ARMH4: variants seen among roughly 807,000 people sequenced by gnomAD.
The protein encoded by ARMH4 is armadillo like helical domain containing 4, also known as armadillo-like helical domain-containing protein 4.
Under a neutral mutation model 61.9 loss-of-function variants are expected in ARMH4, and 49 were observed. The observed-to-expected ratio is 0.79, with a 90% CI of 0.63 to 1.00. The LOEUF (loss-of-function observed/expected upper bound fraction) is 1.00. Ranked by LOEUF, ARMH4 falls within the 50% of genes least tolerant of loss-of-function variation. The pLI is 0.00. For synonymous variants in ARMH4, 368 were observed against 341.5 expected (o/e 1.08, Z -0.85); for missense variants, 934 against 930.0 (o/e 1.00, Z -0.06).
chr14:58,112,860 T>G (rs150457708), intron 4 of ARMH4, among the ~76,000 whole-genome samples: 4 of 152,304 alleles, frequency 2.6e-5, no homozygotes, highest in Admixed American at 6.5e-5. Context: ...TTTTGTTCCT[T>G]TGTAGGTAAT....
intron 5 of ARMH4, among the ~76,000 whole-genome samples, chr14:58,094,850 C>T (rs189465218): frequency 3.3e-4 from 51 of 152,244 alleles, no homozygotes; most frequent in Admixed American, 1.8e-3. Flanking sequence ...AAATGCTCTG[C>T]GGCATGATTG....
At chr14:58,099,959 A>G (rs1489010922) in intron 4 of ARMH4, among the ~76,000 whole-genome samples, 1 of 152,208 alleles carries the variant, frequency 6.6e-6, no homozygotes, top group Non-Finnish European at 1.5e-5. Context: ...TAAGGATTTC[A>G]TTAGTTAATT....
intron 4 of ARMH4, among the ~76,000 whole-genome samples, chr14:58,125,356 ATTAC>A (rs1453004680): frequency 6.6e-6 from 1 of 152,148 alleles, no homozygotes; most frequent in East Asian, 1.9e-4. Context: ...ACCAATAGAA[ATTAC>A]TTAAAAACCT....
At chr14:58,016,072 T>C (rs1882600679) in intron 5 of ARMH4, among the ~76,000 whole-genome samples, 1 of 152,038 alleles carries the variant, frequency 6.6e-6, no homozygotes, top group African/African-American at 2.4e-5. Context: ...TCAAAAGCTT[T>C]ATTAAGGTTA....
chr14:58,021,771 T>G (rs1321330060), intron 5 of ARMH4, among the ~76,000 whole-genome samples: 1 of 152,110 alleles, frequency 6.6e-6, no homozygotes, highest in African/African-American at 2.4e-5. Flanking sequence ...ACCTGGACTG[T>G]TCATATGAAA....
intron 4 of ARMH4, among the ~76,000 whole-genome samples, chr14:58,130,353 A>G (rs971621673): frequency 6.6e-6 from 1 of 152,230 alleles, no homozygotes; most frequent in Admixed American, 6.5e-5. Flanking sequence ...TGTTACCCAG[A>G]AAGTCTGCAC....
intron 4 of ARMH4, among the ~76,000 whole-genome samples, chr14:58,117,700 C>T (rs1005282270): frequency 3.3e-5 from 5 of 152,026 alleles, no homozygotes; most frequent in African/African-American, 4.8e-5. Context: ...TATTTAAATG[C>T]CTTTAGAACT....
chr14:58,048,255 C>G (rs1884005755), intron 5 of ARMH4, among the ~76,000 whole-genome samples: 1 of 152,192 alleles, frequency 6.6e-6, no homozygotes, highest in Admixed American at 6.5e-5. Flanking sequence ...CTTTTATCTT[C>G]TCATCTGCCA....
At chr14:58,019,706 G>A (rs1344101453) in intron 5 of ARMH4, among the ~76,000 whole-genome samples, 2 of 152,076 alleles carry the variant, frequency 1.3e-5, no homozygotes, top group East Asian at 1.9e-4. Flanking sequence ...CAGGAGAATC[G>A]CTTGAACCCA....
chr14:58,126,723 T>A (rs916496497), intron 4 of ARMH4, among the ~76,000 whole-genome samples: 17 of 151,646 alleles, frequency 1.1e-4, no homozygotes, highest in African/African-American at 4.1e-4. Flanking sequence ...AGAAAAAAAC[T>A]GTAGTTAAAG....
intron 4 of ARMH4, among the ~76,000 whole-genome samples, chr14:58,107,634 C>T (rs1328858835): frequency 6.6e-6 from 1 of 151,946 alleles, no homozygotes; most frequent in Non-Finnish European, 1.5e-5. Context: ...CGTAGTGGTG[C>T]ACGCCCTTAG....
chr14:58,078,892 C>T (rs923688033), intron 5 of ARMH4, among the ~76,000 whole-genome samples: 1 of 152,214 alleles, frequency 6.6e-6, no homozygotes, highest in African/African-American at 2.4e-5. Context: ...GAAACATAGG[C>T]ATATGATACA....
At chr14:58,097,700 T>G (rs1043594504) in intron 4 of ARMH4, among the ~76,000 whole-genome samples, 3 of 149,276 alleles carry the variant, frequency 2.0e-5, no homozygotes, top group African/African-American at 7.3e-5. Context: ...TTTTTATTTT[T>G]TATTTATTTA....
intron 4 of ARMH4, among the ~76,000 whole-genome samples, chr14:58,105,701 AAAAG>A (rs1192795806): frequency 5.9e-5 from 9 of 152,064 alleles, no homozygotes; most frequent in Non-Finnish European, 7.4e-5. Context: ...AAAAAAAAAA[AAAAG>A]AAAGAAAGAA....
intron 5 of ARMH4, among the ~76,000 whole-genome samples, chr14:58,039,753 T>C (rs961256458): frequency 6.6e-6 from 1 of 152,182 alleles, no homozygotes; most frequent in Non-Finnish European, 1.5e-5. Context: ...AGAGCCCCTC[T>C]GACTCAACAC....
intron 5 of ARMH4, among the ~76,000 whole-genome samples, chr14:58,091,267 T>C (rs948234128): frequency 6.6e-6 from 1 of 152,076 alleles, no homozygotes; most frequent in Non-Finnish European, 1.5e-5. Flanking sequence ...CTTCCTTCTC[T>C]GAACAATGTC....
At chr14:58,110,332 G>A (rs1886313832) in intron 4 of ARMH4, among the ~76,000 whole-genome samples, 1 of 152,142 alleles carries the variant, frequency 6.6e-6, no homozygotes, top group Non-Finnish European at 1.5e-5. Context: ...TATTTTCTGT[G>A]CTGAGAACGT....
intron 4 of ARMH4, among the ~76,000 whole-genome samples, chr14:58,113,310 C>A (rs968759890): frequency 1.3e-5 from 2 of 152,172 alleles, no homozygotes; most frequent in African/African-American, 4.8e-5. Context: ...TCATATTTAG[C>A]ACCATGTAGT....
intron 5 of ARMH4, among the ~76,000 whole-genome samples, chr14:58,036,859 C>A (rs1180465202): frequency 7.9e-6 from 1 of 127,180 alleles, no homozygotes; most frequent in East Asian, 2.3e-4. Flanking sequence ...TGAAGGACCT[C>A]TTCAAGGAGA....
Sources: allele counts gnomAD v4.1 joint callset (sites outside exome capture counted in the v4.1 genomes callset), GRCh38; gene constraint gnomAD v4.1.1; transcripts MANE v1.5; gene names NCBI Gene and HGNC (gene_info 2026-07-23, HGNC 2026-07-21).